Variants in MIIP observed in about 807,000 individuals in gnomAD.
MIIP encodes migration and invasion inhibitory protein.
MIIP carries 44 observed loss-of-function variants against 44.8 expected under a neutral mutation model. That is an observed-to-expected ratio of 0.98 (90% CI 0.77 to 1.26). The LOEUF (loss-of-function observed/expected upper bound fraction) is 1.26. Among genes scored for constraint, MIIP ranks in the 50% most tolerant of loss-of-function variants. The pLI is 0.00. For missense variants in MIIP, 496 were observed against 511.7 expected, an observed-to-expected ratio of 0.97 and a Z score of 0.30; for synonymous variants, 225 against 218.3, an observed-to-expected ratio of 1.03 and a Z score of -0.27.
intron 4 of MIIP, chr1:12,028,571 C>T (rs1427154719): frequency 1.2e-5 from 2 of 167,904 alleles, no homozygotes; most frequent in East Asian, 1.7e-4. Flanking sequence ...TCAGGGTCAT[C>T]TCACTCGGAG....
chr1:12,030,307 C>G (rs540261396), intron 8 of MIIP, among the ~76,000 whole-genome samples, 183 bp downstream of exon 8: 2 of 152,310 alleles, frequency 1.3e-5, no homozygotes, highest in East Asian at 1.9e-4. Flanking sequence ...GACCCCCGCT[C>G]CACGTACCCC....
intron 9 of MIIP, 128 bp downstream of exon 9, chr1:12,031,531 C>G: frequency 6.4e-7 from 1 of 1,563,236 alleles, no homozygotes; most frequent in South Asian, 1.2e-5. Flanking sequence ...CTGGGAGTGT[C>G]TCTCTGCAGG....
In MIIP at chr1:12,022,227, G is replaced by C; in HGVS notation, c.247G>C (p.Asp83His). The C allele has an allele frequency of 1.2e-6, 2 of 1,613,124 alleles. No homozygotes were observed. The highest frequency in any genetic ancestry group is 2.2e-5 in the South Asian group (2 of 90,972). Residue 83 changes from aspartate to histidine, a missense_variant, in exon 3 of 10, where the codon GAC (aspartate) becomes CAC (histidine). Transcript: ENST00000235332. Reference sequence around the variant, plus strand: ...GGGCCCACCAGATGCCTGTCGAGGGGACCTCCGTGATGTGGCCAGATCGGG... The same window carrying C: ...GGGCCCACCAGATGCCTGTCGAGGGCACCTCCGTGATGTGGCCAGATCGGG... ...VWGPPDACRG[D>H]LRDVARSGVA...
At chr1:12,024,762 C>T (rs113002336) in intron 4 of MIIP, among the ~76,000 whole-genome samples, 8 of 152,308 alleles carry the variant, frequency 5.3e-5, no homozygotes, top group African/African-American at 1.9e-4. Context: ...TATGTCTACA[C>T]TGTTGAGCTA....
intron 4 of MIIP, among the ~76,000 whole-genome samples, chr1:12,025,945 G>A (rs1049784674): frequency 4.0e-5 from 6 of 151,630 alleles, no homozygotes; most frequent in African/African-American, 1.5e-4. Flanking sequence ...TGATCTGCCC[G>A]CCTTGGCCTC....
At chr1:12,031,203 G>A in intron 8 of MIIP, 63 bp from the exon 9 acceptor site, 2 of 1,552,938 alleles carry the variant, frequency 1.3e-6, no homozygotes, top group Non-Finnish European at 8.7e-7. Flanking sequence ...CCTGATGGGG[G>A]TGTGCCCAGT....
intron 4 of MIIP, among the ~76,000 whole-genome samples, chr1:12,027,217 C>G (rs1640122623): frequency 6.6e-6 from 1 of 152,258 alleles, no homozygotes; most frequent in Non-Finnish European, 1.5e-5. Context: ...GCCATCTTGG[C>G]CAGTCTGGTC....
chr1:12,028,208 A>G (rs1640143713), intron 4 of MIIP, among the ~76,000 whole-genome samples: 2 of 152,206 alleles, frequency 1.3e-5, no homozygotes, highest in Admixed American at 1.3e-4. Flanking sequence ...TTCTGTCTCA[A>G]AAAATAAAAA....
chr1:12,025,347 G>A (rs1221780196), intron 4 of MIIP, among the ~76,000 whole-genome samples: 9 of 151,826 alleles, frequency 5.9e-5, no homozygotes, highest in East Asian at 1.9e-4. Flanking sequence ...GGTGTGAGCC[G>A]CTGTGCCTGG....
rs1451170189 is a variant in MIIP, at chr1:12,022,397, A to G, written c.417A>G (p.Ala139=). The change falls in exon 3 of 10, where the codon GCA becomes GCG. Residue 139 remains alanine, a synonymous_variant. Coordinates refer to ENST00000235332, the MANE Select transcript of MIIP (RefSeq NM_021933.4). ...TGGGTGATCCAGGACCCCAGGAGGC[A>G]CAGACCCCGAGGTCCATCCTGGCTC... ...GRLGDPGPQE[A]QTPRSILAQQ... The G allele has an allele frequency of 1.9e-6, 3 of 1,605,476 alleles. No individual in the cohort carries two copies. The South Asian group carries it at 3.3e-5, about 18-fold the overall frequency.
At chr1:12,025,028 C>T (rs1162196289) in intron 4 of MIIP, among the ~76,000 whole-genome samples, 1 of 123,922 alleles carries the variant, frequency 8.1e-6, no homozygotes, top group Non-Finnish European at 1.7e-5. Flanking sequence ...AATTCCCTTC[C>T]TTTTTTTTTT....
At chr1:12,023,718 G>A (rs945970110) in intron 4 of MIIP, among the ~76,000 whole-genome samples, 15 of 150,210 alleles carry the variant, frequency 1.0e-4, no homozygotes, top group African/African-American at 3.2e-4. Context: ...AAGACAGGCC[G>A]GGCACGGTGA....
In MIIP at chr1:12,029,920, CT is replaced by C. The variant is rs759440745; in HGVS notation, c.845+28del. 2.5e-6 allele frequency: 4 copies of C among 1,611,280 alleles called. No homozygotes were observed. In the Admixed American group the frequency reaches 5.0e-5, roughly 20 times the overall value. On this transcript the variant is annotated intron_variant, in intron 7 of 9. Transcript: ENST00000235332. ...GTGAGTGACCAGAGTATTGGGACACCTTGGGGGACAGAGCCTGAACCACTGG... is the reference window on the plus strand; with the variant it reads ...GTGAGTGACCAGAGTATTGGGACACCTGGGGGACAGAGCCTGAACCACTGG...
rs147286775 is a variant in MIIP at position 12,027,353 on chromosome 1, A to G, written c.548-1680A>G. 7.0e-4 allele frequency among the ~76,000 whole-genome samples: 107 copies of G among 152,306 alleles called. 1 individual carries two copies. The highest frequency in any genetic ancestry group is 2.6e-3 in the African/African-American group (107 of 41,566). The stretch of plus-strand genomic sequence containing the variant: ...ATCGGGCTTCAGCTCCCAGCATTTC[A>G]TCAACATGGCCCTCAGTTGGGTCAT... On this transcript the variant is annotated intron_variant, in intron 4 of 9. Coordinates refer to ENST00000235332, the MANE Select transcript of MIIP (RefSeq NM_021933.4).
chr1:12,031,155 G>A, intron 8 of MIIP, 111 bp from the exon 9 acceptor site: 2 of 1,347,918 alleles, frequency 1.5e-6, no homozygotes, highest in Non-Finnish European at 2.0e-6. Flanking sequence ...GCCCTGCCTT[G>A]GTGGGGGCCT....
chr1:12,030,141 G>C lies in MIIP; in HGVS notation c.942+17G>C, dbSNP rs201664834. On this transcript the variant is annotated intron_variant, in intron 8 of 9. Transcript: ENST00000235332. The stretch of plus-strand genomic sequence containing the variant: ...CTGCCCCGGGTGAGCAGCCACGTGG[G>C]GCTGGATGGTGATGAGGGCGGGGCT... The C allele has an allele frequency of 2.5e-6, 4 of 1,610,636 alleles. No individual in the cohort carries two copies. The highest frequency in any genetic ancestry group is 3.4e-6 in the Non-Finnish European group (4 of 1,178,688).
At chr1:12,029,357 TC>T (rs959499448) in intron 6 of MIIP, 76 bp downstream of exon 6, 4 of 1,478,100 alleles carry the variant, frequency 2.7e-6, no homozygotes, top group African/African-American at 2.8e-5. Flanking sequence ...CCCAGAGCAG[TC>T]CCATTTGAGG....
chr1:12,030,981 G>A (rs1013471658), intron 8 of MIIP: 4 of 380,378 alleles, frequency 1.1e-5, no homozygotes, highest in Non-Finnish European at 1.9e-5. Context: ...GTTGAGTGAA[G>A]CAATCCATGC....
rs1013859842 is a variant in MIIP, at chr1:12,029,816, C to T, written c.767C>T (p.Pro256Leu). The T allele has an allele frequency of 6.2e-7, 1 of 1,613,346 alleles. No homozygotes were observed. Among genetic ancestry groups the T allele is most frequent in the Non-Finnish European group, 8.5e-7 (1 of 1,179,668 alleles). ...NRRLFPVPVD[P>L]GTPCRLCRTP... is the part of the protein sequence containing the mutation. ...CGCCTGTTCCCGGTGCCTGTGGATC[C>T]CGGTACCCCCTGCCGCCTGTGCAGG... Residue 256 changes from proline (P) to leucine (L), a missense_variant, in exon 7 of 10, where the codon CCC becomes CTC. Transcript: ENST00000235332.
Sources: gnomAD v4.1 joint callset for allele counts (sites outside exome capture counted in the v4.1 genomes callset) on GRCh38, gnomAD v4.1.1 for gene constraint, MANE v1.5 for transcripts, NCBI Gene and HGNC (gene_info 2026-07-23, HGNC 2026-07-21) for gene names.